CLNK: variants seen among roughly 807,000 people sequenced by gnomAD.
CLNK encodes cytokine dependent hematopoietic cell linker.
A neutral mutation model predicts 68.6 loss-of-function variants in CLNK; 74 were observed. The observed-to-expected ratio is 1.08, with a 90% confidence interval of 0.89 to 1.31. The LOEUF (loss-of-function observed/expected upper bound fraction) is 1.31. CLNK is among the 50% of genes most tolerant of loss of function. CLNK has a pLI of 0.00. For synonymous variants in CLNK, 198 were observed against 172.2 expected, an observed-to-expected ratio of 1.15 and a Z score of -1.17; for missense variants, 553 against 515.3, an observed-to-expected ratio of 1.07 and a Z score of -0.71.
At chr4:10,544,614 T>C (rs1276220331) in intron 8 of CLNK, among the ~76,000 whole-genome samples, 1 of 152,180 alleles carries the variant, frequency 6.6e-6, no homozygotes, top group African/African-American at 2.4e-5. Context: ...ATCAGAGGCC[T>C]GAGGACAGCG....
chr4:10,528,405 C>G (rs1277809519), intron 12 of CLNK, among the ~76,000 whole-genome samples: 1 of 152,152 alleles, frequency 6.6e-6, no homozygotes, highest in African/African-American at 2.4e-5. Context: ...ATTCTTATCT[C>G]AATAATTCCA....
chr4:10,669,416 A>C (rs975896845), intron 1 of CLNK, among the ~76,000 whole-genome samples: 3 of 152,174 alleles, frequency 2.0e-5, no homozygotes, highest in Non-Finnish European at 4.4e-5. Context: ...CTTGCCAGGT[A>C]AGTCTGGGTC....
chr4:10,564,835 T>C (rs959479075), intron 6 of CLNK, 58 bp from the exon 7 acceptor site: 1 of 1,028,732 alleles, frequency 9.7e-7, no homozygotes, highest in African/African-American at 1.6e-5. Context: ...ACATTACAAT[T>C]TACAAAGTAT....
rs568185008 is a variant in CLNK at position 10,619,929 on chromosome 4, C to T, written c.12-21880G>A. Among the ~76,000 whole-genome samples the T allele has an allele frequency of 3.9e-5, 6 of 152,202 alleles. No individual in the cohort carries two copies. In the East Asian group the frequency reaches 9.7e-4, roughly 25 times the overall value. On this transcript the variant is annotated intron_variant, in intron 2 of 18. Coordinates refer to ENST00000226951, the MANE Select transcript of CLNK (RefSeq NM_052964.4). ...TTGGCTCAAAGCCCGGGGCGTTTTC[C>T]CATAATACTCTGTGTTAATCGCTGG... is the stretch of plus-strand genomic sequence containing the variant.
intron 2 of CLNK, among the ~76,000 whole-genome samples, chr4:10,601,871 G>T (rs1312033250): frequency 6.6e-6 from 1 of 152,222 alleles, no homozygotes; most frequent in Non-Finnish European, 1.5e-5. Context: ...GTCCTCCAGG[G>T]AAACAACACA....
At position 10,537,643 on chromosome 4, in the gene CLNK, C is replaced by CTTTA. The variant is rs1560206801; in HGVS notation, c.602+2850_602+2851insTAAA. 3.3e-4 allele frequency among the ~76,000 whole-genome samples: 17 copies of CTTTA among 51,258 alleles called. No individual in the cohort carries two copies. In the South Asian group the frequency reaches 0.014, roughly 42 times the overall value. The allele number at this position is 51,258 out of a possible 152,430, so 33.6% of individuals were successfully genotyped here. ...TCTCTTTCTTTCTTTCTTTCTCTTT[C>CTTTA]TTTCTTTCTTTCTTTCTTTCTTTCT... On this transcript the variant is annotated intron_variant, in intron 11 of 18. Transcript: ENST00000226951.
intron 16 of CLNK, among the ~76,000 whole-genome samples, chr4:10,510,279 A>C (rs1413912066): frequency 6.6e-6 from 1 of 152,074 alleles, no homozygotes; most frequent in African/African-American, 2.4e-5. Flanking sequence ...CCCCTGAATA[A>C]TTCAAAAGGA....
At chr4:10,523,459 A>G (rs1341911976) in intron 14 of CLNK, among the ~76,000 whole-genome samples, 2 of 152,180 alleles carry the variant, frequency 1.3e-5, no homozygotes, top group South Asian at 2.1e-4. Flanking sequence ...GGCCTTAGAG[A>G]TAGTAAAGAG....
intron 1 of CLNK, among the ~76,000 whole-genome samples, chr4:10,682,435 G>A (rs1725129325): frequency 6.6e-6 from 1 of 152,166 alleles, no homozygotes; most frequent in East Asian, 1.9e-4. Flanking sequence ...TTCAGAAAAG[G>A]ATGCTTCTAG....
At chr4:10,502,695 G>T (rs1231044487) in intron 17 of CLNK, among the ~76,000 whole-genome samples, 2 of 151,876 alleles carry the variant, frequency 1.3e-5, no homozygotes, top group East Asian at 3.9e-4. Context: ...GCAGAATTAG[G>T]GTTCCTGAAA....
At chr4:10,628,523 A>G (rs1478515827) in intron 2 of CLNK, among the ~76,000 whole-genome samples, 1 of 152,134 alleles carries the variant, frequency 6.6e-6, no homozygotes, top group Non-Finnish European at 1.5e-5. Context: ...GGCACCTAGA[A>G]TGTGGTCCAG....
chr4:10,701,375 G>T, the CLNK span, among the ~76,000 whole-genome samples: 1 of 152,150 alleles, frequency 6.6e-6, no homozygotes, highest in Non-Finnish European at 1.5e-5. Flanking sequence ...ATCAGACTGT[G>T]TGTGCGAGAC....
intron 2 of CLNK, among the ~76,000 whole-genome samples, chr4:10,626,699 T>G (rs1325530862): frequency 6.6e-6 from 1 of 152,256 alleles, no homozygotes; most frequent in Non-Finnish European, 1.5e-5. Flanking sequence ...CACTATGAGA[T>G]GTACCTCCAT....
chr4:10,512,636 C>T (rs1717641988), intron 16 of CLNK, among the ~76,000 whole-genome samples: 1 of 151,962 alleles, frequency 6.6e-6, no homozygotes, highest in African/African-American at 2.4e-5. Flanking sequence ...CTTTAGGATA[C>T]TGTAGGAATT....
At chr4:10,691,871 G>A in the CLNK span, among the ~76,000 whole-genome samples, 1 of 152,220 alleles carries the variant, frequency 6.6e-6, no homozygotes, top group East Asian at 1.9e-4. Context: ...CTTCTTATTA[G>A]TACATGTGAT....
intron 2 of CLNK, among the ~76,000 whole-genome samples, chr4:10,661,135 G>A (rs976526048): frequency 1.3e-5 from 2 of 152,178 alleles, no homozygotes; most frequent in African/African-American, 4.8e-5. Flanking sequence ...AAGTGAAGGT[G>A]CCCCTGGAGG....
intron 2 of CLNK, among the ~76,000 whole-genome samples, chr4:10,633,541 C>T (rs4697765): frequency 0.32 from 48,529 of 152,026 alleles, 8,777 homozygotes; most frequent in African/African-American, 0.49. Flanking sequence ...GTGAAGAAAA[C>T]GAGAGACGCA....
intron 3 of CLNK, among the ~76,000 whole-genome samples, chr4:10,592,375 C>T (rs1478564734): frequency 1.3e-5 from 2 of 152,086 alleles, no homozygotes; most frequent in Non-Finnish European, 2.9e-5. Context: ...GATGATTTGC[C>T]AGACATGTTT....
At chr4:10,642,999 C>T (rs116474144) in intron 2 of CLNK, among the ~76,000 whole-genome samples, 26 of 152,114 alleles carry the variant, frequency 1.7e-4, no homozygotes, top group African/African-American at 4.3e-4. Flanking sequence ...GCTATATATA[C>T]GCACACATAC....
Sources: allele counts gnomAD v4.1 joint callset (sites outside exome capture counted in the v4.1 genomes callset), GRCh38; gene constraint gnomAD v4.1.1; transcripts MANE v1.5; gene names NCBI Gene and HGNC (gene_info 2026-07-23, HGNC 2026-07-21).